ZNF678: variants seen among roughly 807,000 people sequenced by gnomAD.
ZNF678 encodes the protein zinc finger protein 678.
A neutral mutation model predicts 3.0 loss-of-function variants in ZNF678; 5 were observed. The ratio of observed to expected loss-of-function variants is 1.69; its 90% CI spans 0.88 to 3.56. The LOEUF is 3.56. Ranked by LOEUF, ZNF678 falls within the 30% of genes most tolerant of loss-of-function variation. The pLI is 0.00. For missense variants in ZNF678, 593 were observed against 605.0 expected, an observed-to-expected ratio of 0.98 and a Z score of 0.21; for synonymous variants, 218 against 199.6, an observed-to-expected ratio of 1.09 and a Z score of -0.78.
chr1:227,648,278 A>G (rs1659005560), intron 2 of ZNF678, among the ~76,000 whole-genome samples: 1 of 152,070 alleles, frequency 6.6e-6, no homozygotes. Flanking sequence ...ATTTGTTTTT[A>G]TTTACTATAA....
intron 1 of ZNF678, among the ~76,000 whole-genome samples, chr1:227,628,811 G>A (rs1212160851): frequency 6.6e-6 from 1 of 152,176 alleles, no homozygotes. Flanking sequence ...TCAAGTCTTG[G>A]GCTAATACCT....
chr1:227,674,094 A>C (rs1031178527), intron 5 of ZNF678, among the ~76,000 whole-genome samples: 2 of 152,236 alleles, frequency 1.3e-5, no homozygotes, highest in African/African-American at 4.8e-5. Flanking sequence ...GACAGGACCA[A>C]CCACTGACAG....
chr1:227,621,772 G>A (rs1277869112), intron 1 of ZNF678, among the ~76,000 whole-genome samples: 1 of 152,130 alleles, frequency 6.6e-6, no homozygotes, highest in Admixed American at 6.6e-5. Flanking sequence ...AATGAAACCT[G>A]AAAAACTAAT....
intron 1 of ZNF678, among the ~76,000 whole-genome samples, chr1:227,586,340 A>G (rs1252433027): frequency 3.3e-5 from 5 of 152,262 alleles, no homozygotes; most frequent in Non-Finnish European, 7.3e-5. Flanking sequence ...CCTTTAAATC[A>G]ACTTTCATAA....
At chr1:227,625,678 G>C (rs962470612) in intron 1 of ZNF678, among the ~76,000 whole-genome samples, 1 of 152,164 alleles carries the variant, frequency 6.6e-6, no homozygotes, top group African/African-American at 2.4e-5. Flanking sequence ...GGCTTACCGG[G>C]TGAGTATAGG....
chr1:227,591,778 T>G (rs1558135427), intron 1 of ZNF678, among the ~76,000 whole-genome samples: 1 of 152,160 alleles, frequency 6.6e-6, no homozygotes, highest in Non-Finnish European at 1.5e-5. Context: ...ATAATAACCA[T>G]AAAATAATAG....
chr1:227,621,859 C>G (rs1426716454), intron 1 of ZNF678, among the ~76,000 whole-genome samples: 1 of 152,122 alleles, frequency 6.6e-6, no homozygotes, highest in African/African-American at 2.4e-5. Flanking sequence ...GTACCACTGA[C>G]CACCATCAAC....
At chr1:227,572,043 AAAAC>A (rs1455915687) in intron 1 of ZNF678, among the ~76,000 whole-genome samples, 39 of 152,272 alleles carry the variant, frequency 2.6e-4, no homozygotes, top group South Asian at 6.2e-4. Flanking sequence ...CTCCGTCTCA[AAAAC>A]AAACAAACAG....
In ZNF678 at chr1:227,598,420, A is replaced by T. The variant is rs1340460255; in HGVS notation, c.-164+34696A>T. 2.7e-6 allele frequency: 4 copies of T among 1,454,802 alleles called. No homozygotes were observed. In the East Asian group the frequency reaches 1.0e-4, roughly 37 times the overall value. 90.1% of individuals were successfully genotyped at this position (1,454,802 alleles called of 1,614,324 possible). The stretch of plus-strand genomic sequence containing the variant: ...TTATAAGGGAATCCTGATTTTTCTT[A>T]ATGTTATGGTGAGTCAGGACTTGAA... On this transcript the variant is annotated intron_variant, in intron 1 of 3. Coordinates refer to ENST00000343776, the MANE Select transcript of ZNF678 (RefSeq NM_001367909.1).
At chr1:227,617,024 A>G (rs1658159160) in intron 1 of ZNF678, among the ~76,000 whole-genome samples, 1 of 152,210 alleles carries the variant, frequency 6.6e-6, no homozygotes, top group Non-Finnish European at 1.5e-5. Flanking sequence ...GCAGATAAGG[A>G]TGCCTTTTGG....
intron 1 of ZNF678, among the ~76,000 whole-genome samples, chr1:227,580,309 A>G (rs937109036): frequency 1.3e-5 from 2 of 152,072 alleles, no homozygotes; most frequent in Non-Finnish European, 2.9e-5. Flanking sequence ...CTAGTTGGCT[A>G]TCTTGCCCTC....
chr1:227,664,988 C>T (rs1037529254), downstream of ZNF678, among the ~76,000 whole-genome samples: 3 of 152,174 alleles, frequency 2.0e-5, no homozygotes, highest in Non-Finnish European at 4.4e-5. Context: ...TTTTTCTAAC[C>T]AGTTCTGTGA....
chr1:227,673,766 A>G (rs1441263661), intron 5 of ZNF678, among the ~76,000 whole-genome samples: 1 of 152,214 alleles, frequency 6.6e-6, no homozygotes, highest in Non-Finnish European at 1.5e-5. Context: ...TATTTGGAAA[A>G]TATTAACACT....
chr1:227,629,037 C>T (rs1658486611), intron 1 of ZNF678, among the ~76,000 whole-genome samples: 1 of 152,180 alleles, frequency 6.6e-6, no homozygotes, highest in Non-Finnish European at 1.5e-5. Context: ...GGGACAACAG[C>T]CTCATTGATG....
chr1:227,634,631 T>G (rs922423441), intron 1 of ZNF678, among the ~76,000 whole-genome samples: 7 of 152,156 alleles, frequency 4.6e-5, no homozygotes, highest in African/African-American at 1.7e-4. Context: ...CTCTTCTGCC[T>G]TTGGAACAAA....
intron 1 of ZNF678, among the ~76,000 whole-genome samples, chr1:227,607,505 G>A (rs763219680): frequency 2.1e-4 from 32 of 152,000 alleles, no homozygotes; most frequent in Non-Finnish European, 4.4e-4. Flanking sequence ...AGATAACACA[G>A]GAAATGTAAC....
intron 1 of ZNF678, among the ~76,000 whole-genome samples, chr1:227,613,054 C>T (rs1658058235): frequency 6.6e-6 from 1 of 152,132 alleles, no homozygotes; most frequent in East Asian, 1.9e-4. Context: ...CCTTTAATAC[C>T]AGCAGACAGC....
intron 1 of ZNF678, among the ~76,000 whole-genome samples, chr1:227,564,460 A>C (rs1038484065): frequency 6.6e-6 from 1 of 152,232 alleles, no homozygotes; most frequent in Non-Finnish European, 1.5e-5. Context: ...AACACTGCAC[A>C]AGAGACTGCT....
intron 1 of ZNF678, among the ~76,000 whole-genome samples, chr1:227,637,046 G>A (rs1658696182): frequency 6.6e-6 from 1 of 152,158 alleles, no homozygotes; most frequent in South Asian, 2.1e-4. Flanking sequence ...AATAGTGTGT[G>A]TTTGTAGGTG....
Sources: allele counts gnomAD v4.1 joint callset (sites outside exome capture counted in the v4.1 genomes callset), GRCh38; gene constraint gnomAD v4.1.1; transcripts MANE v1.5; gene names NCBI Gene and HGNC (gene_info 2026-07-23, HGNC 2026-07-21).